The following DLGAP2 variants were observed in gnomAD, a reference collection of about 807,000 sequenced individuals.
DLGAP2 encodes disks large-associated protein 2.
A neutral mutation model predicts 100.3 loss-of-function variants in DLGAP2; 26 were observed. The observed-to-expected ratio is 0.26, with a 90% CI of 0.19 to 0.36. DLGAP2 has a LOEUF of 0.36. Among genes scored for constraint, DLGAP2 ranks in the 10% least tolerant of loss-of-function variants. The probability of loss-of-function intolerance (pLI) is 1.00; values close to 1 mark genes in which losing one functional copy is unlikely to be tolerated. For synonymous variants in DLGAP2, 886 were observed against 630.1 expected (o/e 1.41, Z -6.08); for missense variants, 1,858 against 1,453.2 (o/e 1.28, Z -4.53).
chr8:1,115,391 T>G (rs999687501), intron 2 of DLGAP2, among the ~76,000 whole-genome samples: 4 of 152,222 alleles, frequency 2.6e-5, no homozygotes, highest in African/African-American at 9.6e-5. Context: ...GCATATATAT[T>G]TAGAATAGTT....
chr8:1,086,962 C>G lies in DLGAP2; in HGVS notation c.74-171889C>G, dbSNP rs185087924. Among the ~76,000 whole-genome samples the G allele has an allele frequency of 8.6e-4, 131 of 152,278 alleles. 1 individual carries two copies. Among genetic ancestry groups the G allele is most frequent in the African/African-American group, 3.0e-3 (124 of 41,566 alleles). On this transcript the variant is annotated intron_variant, in intron 2 of 14. Coordinates refer to ENST00000637795, the MANE Select transcript of DLGAP2 (RefSeq NM_001346810.2). ...ACAGCTAAAGGATACACAGTCTTCT[C>G]AAGCACACGTGGAACATTCCTCAGG...
chr8:1,254,907 C>G (rs1219938448), intron 2 of DLGAP2, among the ~76,000 whole-genome samples: 2 of 151,314 alleles, frequency 1.3e-5, no homozygotes, highest in African/African-American at 2.4e-5. Context: ...TCTGTGCTCT[C>G]TCCTGCCCAG....
intron 2 of DLGAP2, among the ~76,000 whole-genome samples, chr8:1,158,201 A>T (rs1331752847): frequency 6.6e-6 from 1 of 152,260 alleles, no homozygotes; most frequent in East Asian, 1.9e-4. Flanking sequence ...AGTTTGAATA[A>T]GCTATATAAT....
At chr8:1,041,753 C>G (rs563865436) in intron 2 of DLGAP2, among the ~76,000 whole-genome samples, 1 of 140,566 alleles carries the variant, frequency 7.1e-6, no homozygotes, top group Non-Finnish European at 1.5e-5. Flanking sequence ...GAGTGTTCTC[C>G]GAGCCCCTTG....
At chr8:1,036,621 C>T (rs1584999998) in intron 2 of DLGAP2, among the ~76,000 whole-genome samples, 2 of 152,186 alleles carry the variant, frequency 1.3e-5, no homozygotes, top group South Asian at 4.1e-4. Context: ...GCCTGGCAGG[C>T]TATAGAGACC....
intron 2 of DLGAP2, among the ~76,000 whole-genome samples, chr8:1,085,592 G>C (rs531199475): frequency 6.6e-6 from 1 of 152,150 alleles, no homozygotes; most frequent in Non-Finnish European, 1.5e-5. Context: ...GTGTGGGTTC[G>C]TTTCTGGGCT....
intron 3 of DLGAP2, among the ~76,000 whole-genome samples, chr8:1,273,475 G>A (rs547442173): frequency 1.3e-5 from 2 of 152,286 alleles, no homozygotes; most frequent in East Asian, 3.9e-4. Context: ...CGAGTTTTAT[G>A]CTCAAGATGG....
In DLGAP2 at chr8:778,605, C is replaced by T. The variant is rs1426805247; in HGVS notation, c.18+40780C>T. The stretch of plus-strand genomic sequence containing the variant: ...TGCAGGTCTTTTGGAGTACCCTGCC[C>T]TGTGTCAGTGTACCCCTGTTGGGGG... On this transcript the variant is annotated intron_variant, in intron 1 of 14. Coordinates refer to ENST00000637795, the MANE Select transcript of DLGAP2 (RefSeq NM_001346810.2). 5.3e-5 allele frequency among the ~76,000 whole-genome samples: 8 copies of T among 151,648 alleles called. No homozygotes were observed. The South Asian group carries it at 8.3e-4, about 16-fold the overall frequency.
intron 2 of DLGAP2, among the ~76,000 whole-genome samples, chr8:953,922 A>G (rs895255579): frequency 1.7e-4 from 26 of 152,194 alleles, no homozygotes; most frequent in African/African-American, 6.3e-4. Flanking sequence ...CTTTAGTGAA[A>G]CAGACTCTTT....
chr8:1,697,964 C>T (rs1030260394), intron 14 of DLGAP2, among the ~76,000 whole-genome samples: 8 of 152,222 alleles, frequency 5.3e-5, no homozygotes, highest in Non-Finnish European at 5.9e-5. Context: ...GTTTTAAAGA[C>T]GTCCTGAGGA....
At chr8:1,670,893 C>T (rs981587817) in intron 10 of DLGAP2, among the ~76,000 whole-genome samples, 4 of 152,180 alleles carry the variant, frequency 2.6e-5, no homozygotes, top group East Asian at 1.9e-4. Flanking sequence ...AGATGAAAGA[C>T]GGGTTCCTTC....
chr8:1,050,974 G>GC (rs1802664390), intron 2 of DLGAP2, among the ~76,000 whole-genome samples: 1 of 62,930 alleles, frequency 1.6e-5, no homozygotes, highest in Non-Finnish European at 3.2e-5. Context: ...CATTTCGTGG[G>GC]TGGGGGTCAT....
chr8:1,305,450 T>C (rs4141051), intron 3 of DLGAP2, among the ~76,000 whole-genome samples: 101,621 of 152,120 alleles, frequency 0.67, 35,119 homozygotes, highest in African/African-American at 0.85. Flanking sequence ...AAACTGCTTA[T>C]AGTCATCCCT....
chr8:1,430,467 G>C (rs180927051), intron 3 of DLGAP2, among the ~76,000 whole-genome samples: 1 of 152,264 alleles, frequency 6.6e-6, no homozygotes, highest in East Asian at 1.9e-4. Flanking sequence ...CTTTAAGCTG[G>C]TCTTCTAGCA....
intron 2 of DLGAP2, among the ~76,000 whole-genome samples, chr8:1,106,822 A>G (rs538705988): frequency 6.6e-6 from 1 of 152,274 alleles, no homozygotes; most frequent in Admixed American, 6.5e-5. Flanking sequence ...CTTGTCACTT[A>G]CTTGTGAGTG....
chr8:1,437,309 G>C (rs1032195539), intron 3 of DLGAP2, among the ~76,000 whole-genome samples: 1 of 152,280 alleles, frequency 6.6e-6, no homozygotes, highest in African/African-American at 2.4e-5. Context: ...AGCCATGCGG[G>C]TTTGTATCAG....
At chr8:1,009,653 A>T (rs183026803) in intron 2 of DLGAP2, among the ~76,000 whole-genome samples, 96 of 152,304 alleles carry the variant, frequency 6.3e-4, no homozygotes, top group East Asian at 1.9e-3. Flanking sequence ...ACTTAGCTCA[A>T]TGTTGGTTTT....
intron 2 of DLGAP2, among the ~76,000 whole-genome samples, chr8:1,020,357 ATT>A (rs1801593225): frequency 6.6e-6 from 1 of 152,212 alleles, no homozygotes. Context: ...AGGACAGATT[ATT>A]TTATTCAATG....
intron 4 of DLGAP2, among the ~76,000 whole-genome samples, chr8:1,505,823 T>C (rs1004200215): frequency 4.6e-5 from 7 of 152,214 alleles, no homozygotes; most frequent in African/African-American, 1.4e-4. Flanking sequence ...ATTTTTTCAT[T>C]TTCCCGAATG....
Sources: gnomAD v4.1 joint callset for allele counts (sites outside exome capture counted in the v4.1 genomes callset) on GRCh38, gnomAD v4.1.1 for gene constraint, MANE v1.5 for transcripts, NCBI Gene and HGNC (gene_info 2026-07-23, HGNC 2026-07-21) for gene names.